HUWE1: variants seen among roughly 807,000 people sequenced by gnomAD.
The protein encoded by HUWE1 is E3 ubiquitin-protein ligase HUWE1.
A neutral mutation model predicts 299.4 loss-of-function variants in HUWE1; 18 were observed. That is an observed-to-expected ratio of 0.06 (90% CI 0.04 to 0.09). The LOEUF (loss-of-function observed/expected upper bound fraction) is 0.09, where lower values mean the gene tolerates loss of function less well. Ranked by LOEUF, HUWE1 falls within the 10% of genes least tolerant of loss-of-function variation. The pLI, the probability that HUWE1 is intolerant of heterozygous loss-of-function variation, is 1.00. For missense variants in HUWE1, 1,832 were observed against 3,462.3 expected (o/e 0.53, Z 11.82); for synonymous variants, 1,317 against 1,286.1 (o/e 1.02, Z -0.51).
chrX:53,591,649 A>G (rs1224791590), intron 33 of HUWE1, among the ~76,000 whole-genome samples: 1 of 112,555 alleles, frequency 8.9e-6, no homozygotes, highest in African/African-American at 3.2e-5. Flanking sequence ...AAAGTTCTTG[A>G]TAACAGCAAT....
At chrX:53,615,931 C>T in intron 21 of HUWE1, 96 bp from the exon 22 acceptor site, 1 of 623,688 alleles carries the variant, frequency 1.6e-6, no homozygotes, top group South Asian at 2.4e-5. Context: ...AAAGAAGAAA[C>T]TGAGCCTGGT....
At chrX:53,628,712 A>T in intron 14 of HUWE1, 40 bp downstream of exon 14, 1 of 1,209,005 alleles carries the variant, frequency 8.3e-7, no homozygotes, top group Non-Finnish European at 1.1e-6. Flanking sequence ...CAGAGGGCAA[A>T]TGTTTCTTCT....
At position 53,627,391 on chromosome X, in the gene HUWE1, C is replaced by A. The variant is rs1557018733; in HGVS notation, c.1489+19G>T. ...AAAATCTCAAGCACAAAAATACTGA[C>A]TTAATAACTGTTAATTACCATCCAT... On this transcript the variant is annotated intron_variant, in intron 17 of 83. Transcript: ENST00000262854. The A allele has an allele frequency of 1.0e-6, 1 of 963,295 alleles. No individual in the cohort carries two copies. The highest frequency in any genetic ancestry group is 2.2e-5 in the Admixed American group (1 of 45,101). 79.4% of individuals were successfully genotyped at this position (963,295 alleles called of 1,213,427 possible).
At chrX:53,684,764 GA>G (rs1569517826) in intron 2 of HUWE1, among the ~76,000 whole-genome samples, 1 of 111,624 alleles carries the variant, frequency 9.0e-6, no homozygotes, top group Non-Finnish European at 1.9e-5. Context: ...ATTAGATAGG[GA>G]AAAAAATTTT....
At chrX:53,632,054 C>T in intron 9 of HUWE1, 1 of 342,867 alleles carries the variant, frequency 2.9e-6, no homozygotes, top group Non-Finnish European at 5.5e-6. Context: ...TTTCACTAAG[C>T]TACTTCTAAA....
chrX:53,569,025 A>G (rs1288183132), intron 48 of HUWE1, 151 bp from the exon 49 acceptor site: 2 of 480,089 alleles, frequency 4.2e-6, no homozygotes, highest in African/African-American at 2.4e-5. Flanking sequence ...ACACTCCCTA[A>G]GGTGATAGCA....
intron 19 of HUWE1, among the ~76,000 whole-genome samples, chrX:53,622,216 CCT>C (rs1262872390): frequency 3.6e-5 from 4 of 111,421 alleles, no homozygotes; most frequent in African/African-American, 6.5e-5. Context: ...ATGATGCCCC[CCT>C]GTTGAGAATG....
In HUWE1 at chrX:53,617,059, T is replaced by C. The variant is rs1557008095; in HGVS notation, c.1868A>G (p.Gln623Arg). Residue 623 changes from glutamine (Q) to arginine (R), a missense_variant, in exon 21 of 84, where the codon CAG (glutamine) becomes CGG (arginine). By Grantham distance (43) the Gln-to-Arg change is conservative (BLOSUM62 1). Around this residue, in one of 15 missense-constraint regions of HUWE1, gnomAD observed 658 missense variants for 1,282.6 expected, o/e 0.51. Transcript: ENST00000262854. ...LNARGLQSFV[Q>R]CQPFERLFKV... Reference sequence around the variant, plus strand: ...GAAGAGGCGTTCAAAAGGCTGACACTGAACAAAAGACTGAAGACCTCGGGC... The same window carrying C: ...GAAGAGGCGTTCAAAAGGCTGACACCGAACAAAAGACTGAAGACCTCGGGC... 2 of 1,210,265 alleles carry C rather than the reference T, an allele frequency of 1.7e-6. No homozygotes were observed. Among genetic ancestry groups the C allele is most frequent in the Non-Finnish European group, 1.1e-6 (1 of 894,193 alleles).
chrX:53,680,579 C>T (rs1404564480), intron 2 of HUWE1: 1 of 112,038 alleles, frequency 8.9e-6, no homozygotes, highest in Non-Finnish European at 1.9e-5. Flanking sequence ...GCTTTTTGGC[C>T]ATATTGGGAG....
Position 53,579,029 on chromosome X carries a change from CG to C in HUWE1, c.5716+1801del, listed in dbSNP as rs1264431959. Among the ~76,000 whole-genome samples, 107 of 12,324 alleles carry C rather than the reference CG, an allele frequency of 8.7e-3. 2 individuals carry two copies. The highest frequency in any genetic ancestry group is 0.016 in the African/African-American group (44 of 2,703). 10.7% of individuals were successfully genotyped at this position (12,324 alleles called of 115,157 possible). A position where few individuals can be genotyped will look rare whatever the true frequency, so the allele number is the denominator to read the frequency against. ...CCAGCCGCCCCGTCCGGGAGGGAGG[CG>C]GGGGGGGGGGTCGGCCAGCCGCCCC... is the stretch of plus-strand genomic sequence containing the variant. On this transcript the variant is annotated intron_variant, in intron 43 of 83. Coordinates refer to ENST00000262854, the MANE Select transcript of HUWE1 (RefSeq NM_031407.7).
chrX:53,618,346 T>A (rs933447384), intron 19 of HUWE1, among the ~76,000 whole-genome samples: 1 of 109,204 alleles, frequency 9.2e-6, no homozygotes, highest in Non-Finnish European at 1.9e-5. Context: ...AAAAAAAAAA[T>A]TTATTCTACA....
intron 7 of HUWE1, among the ~76,000 whole-genome samples, chrX:53,636,036 T>C (rs1473048164): frequency 1.8e-5 from 2 of 112,803 alleles, no homozygotes; most frequent in African/African-American, 6.4e-5. Flanking sequence ...ATGATCATTT[T>C]ATTCTCCAAA....
At chrX:53,603,603 T>C in intron 26 of HUWE1, 102 bp from the exon 27 acceptor site, 1 of 758,783 alleles carries the variant, frequency 1.3e-6, no homozygotes, top group Non-Finnish European at 2.0e-6. Context: ...AAGGGATTTT[T>C]CTTCATTGCT....
At chrX:53,661,278 C>T (rs1447343201) in intron 3 of HUWE1, among the ~76,000 whole-genome samples, 1 of 111,998 alleles carries the variant, frequency 8.9e-6, no homozygotes, top group Non-Finnish European at 1.9e-5. Context: ...TTGTGATCCG[C>T]CCGCCTCGGC....
chrX:53,582,228 A>G (rs1556968623), intron 42 of HUWE1, among the ~76,000 whole-genome samples: 1 of 112,678 alleles, frequency 8.9e-6, no homozygotes, highest in East Asian at 2.7e-4. Context: ...TGAACTTGTA[A>G]CTTTTAAACA....
chrX:53,570,385 C>T (rs1330660104), intron 47 of HUWE1, among the ~76,000 whole-genome samples: 2 of 112,635 alleles, frequency 1.8e-5, no homozygotes, highest in Non-Finnish European at 3.8e-5. Context: ...CTGAAGCCCC[C>T]TAAAGAAGTG....
chrX:53,629,931 T>C (rs969910161), intron 12 of HUWE1, among the ~76,000 whole-genome samples: 23 of 112,573 alleles, frequency 2.0e-4, no homozygotes, highest in African/African-American at 7.4e-4. Context: ...CCACTATGCC[T>C]TCAATATAAG....
At chrX:53,602,458 T>C in intron 28 of HUWE1, 106 bp downstream of exon 28, 1 of 497,746 alleles carries the variant, frequency 2.0e-6, no homozygotes, top group Non-Finnish European at 3.5e-6. Context: ...GGATGAAAAC[T>C]AGACTATGGA....
chrX:53,639,395 A>G (rs1557028912), intron 7 of HUWE1, among the ~76,000 whole-genome samples: 1 of 111,672 alleles, frequency 9.0e-6, no homozygotes, highest in Non-Finnish European at 1.9e-5. Flanking sequence ...CATCATTCAT[A>G]ACAAATATAA....
Sources: gnomAD v4.1 joint callset for allele counts (sites outside exome capture counted in the v4.1 genomes callset) on GRCh38, gnomAD v4.1.1 for gene constraint, gnomAD v4.1.1 regional missense constraint, MANE v1.5 for transcripts, NCBI Gene and HGNC (gene_info 2026-07-23, HGNC 2026-07-21) for gene names.